GALNT13: variants seen among roughly 807,000 people sequenced by gnomAD.
The protein encoded by GALNT13 is polypeptide N-acetylgalactosaminyltransferase 13, also known as UDP-GalNAc:polypeptide N-acetylgalactosaminyltransferase 13.
In GALNT13, 28 loss-of-function variants were observed where a neutral mutation model predicts 64.2. The ratio of observed to expected loss-of-function variants is 0.44; its 90% CI spans 0.32 to 0.60. GALNT13 has a LOEUF of 0.60. Ranked by LOEUF, GALNT13 falls within the 20% of genes least tolerant of loss-of-function variation. The pLI, the probability that GALNT13 is intolerant of heterozygous loss-of-function variation, is 0.05. For missense variants in GALNT13, 577 were observed against 669.8 expected (o/e 0.86, Z 1.53); for synonymous variants, 214 against 224.6 (o/e 0.95, Z 0.42).
chr2:154,393,950 C>T (rs1180335594), intron 9 of GALNT13, among the ~76,000 whole-genome samples: 4 of 148,484 alleles, frequency 2.7e-5, no homozygotes, highest in African/African-American at 4.9e-5. Flanking sequence ...TAGTGGCGGG[C>T]GCCTGTAGTC....
At chr2:153,614,252 TA>T in the GALNT13 span, among the ~76,000 whole-genome samples, 1 of 151,914 alleles carries the variant, frequency 6.6e-6, no homozygotes, top group Admixed American at 6.6e-5. Flanking sequence ...ATGAGTAAAA[TA>T]GAGTTTATAC....
chr2:154,050,012 G>A (rs537677038), intron 3 of GALNT13, among the ~76,000 whole-genome samples: 159 of 151,894 alleles, frequency 1.0e-3, no homozygotes, highest in African/African-American at 3.4e-3. Context: ...TTAATTGGGT[G>A]AATTTTTGTA....
the GALNT13 span, among the ~76,000 whole-genome samples, chr2:153,359,030 G>T: frequency 1.3e-5 from 2 of 151,980 alleles, no homozygotes; most frequent in Non-Finnish European, 2.9e-5. Context: ...ACTGAAGATT[G>T]TTTTTATGAT....
intron 3 of GALNT13, among the ~76,000 whole-genome samples, chr2:154,131,342 A>G (rs1200047388): frequency 1.3e-5 from 2 of 152,202 alleles, no homozygotes; most frequent in African/African-American, 2.4e-5. Flanking sequence ...ATATAGGAGT[A>G]TGCTTTTTCC....
At chr2:154,369,092 T>C (rs1697534290) in intron 9 of GALNT13, among the ~76,000 whole-genome samples, 1 of 151,512 alleles carries the variant, frequency 6.6e-6, no homozygotes, top group Non-Finnish European at 1.5e-5. Flanking sequence ...AATAAATAAG[T>C]ACAATTCTGG....
At chr2:154,275,255 C>T (rs559703082) in intron 8 of GALNT13, among the ~76,000 whole-genome samples, 5 of 152,208 alleles carry the variant, frequency 3.3e-5, no homozygotes, top group African/African-American at 9.6e-5. Context: ...TATTAACCAC[C>T]AAGACAATGG....
chr2:154,136,367 A>G (rs928508167), intron 3 of GALNT13, among the ~76,000 whole-genome samples: 4 of 152,178 alleles, frequency 2.6e-5, no homozygotes, highest in Non-Finnish European at 4.4e-5. Context: ...TTTAAAATCA[A>G]TCAACTTGAA....
chr2:153,759,109 T>C, the GALNT13 span, among the ~76,000 whole-genome samples: 1 of 152,200 alleles, frequency 6.6e-6, no homozygotes, highest in Admixed American at 6.6e-5. Flanking sequence ...TGTTCATTGT[T>C]AGTGCATAGA....
the GALNT13 span, among the ~76,000 whole-genome samples, chr2:153,410,251 T>C: frequency 6.6e-6 from 1 of 151,634 alleles, no homozygotes; most frequent in African/African-American, 2.4e-5. Flanking sequence ...CACTCAGCTA[T>C]TTTTTTAGGG....
At chr2:153,919,435 G>A (rs1044427069) in intron 2 of GALNT13, among the ~76,000 whole-genome samples, 4 of 151,832 alleles carry the variant, frequency 2.6e-5, no homozygotes, top group Middle Eastern at 3.2e-3. Context: ...TAAAATATAT[G>A]TGATATTGAT....
intron 4 of GALNT13, among the ~76,000 whole-genome samples, chr2:154,162,651 T>A (rs1040768737): frequency 6.6e-6 from 1 of 152,198 alleles, no homozygotes; most frequent in Non-Finnish European, 1.5e-5. Flanking sequence ...GCATTATTTG[T>A]GTCTTATAAA....
the GALNT13 span, among the ~76,000 whole-genome samples, chr2:153,109,416 A>T: frequency 2.6e-5 from 4 of 152,170 alleles, no homozygotes; most frequent in Non-Finnish European, 5.9e-5. Flanking sequence ...AGGCATGTAC[A>T]TGCTGCTATG....
At chr2:154,054,209 G>T (rs148820767) in intron 3 of GALNT13, among the ~76,000 whole-genome samples, 19 of 151,890 alleles carry the variant, frequency 1.3e-4, no homozygotes, top group Admixed American at 2.6e-4. Context: ...TCATTTTTAT[G>T]ATACAGGTTC....
chr2:153,458,903 A>G, the GALNT13 span, among the ~76,000 whole-genome samples: 2 of 152,266 alleles, frequency 1.3e-5, no homozygotes, highest in South Asian at 4.1e-4. Context: ...TAAATTCCAT[A>G]CTATTGGCCT....
In GALNT13 at chr2:154,450,664, T is replaced by A; in HGVS notation, c.*113T>A. 1.0e-6 allele frequency: 1 copy of A among 955,800 alleles called. No homozygotes were observed. Among genetic ancestry groups the A allele is most frequent in the Non-Finnish European group, 1.5e-6 (1 of 670,768 alleles). 59.2% of individuals were successfully genotyped at this position (955,800 alleles called of 1,614,324 possible). ...AAAGTTTTAAAAATCCTTTTAGTAT[T>A]CTAAAACACAATTGTTTCTAATTCG... On this transcript the variant is annotated 3_prime_UTR_variant, in exon 13 of 13. Coordinates refer to ENST00000392825, the MANE Select transcript of GALNT13 (RefSeq NM_052917.4).
chr2:153,334,190 T>C, the GALNT13 span, among the ~76,000 whole-genome samples: 1 of 152,150 alleles, frequency 6.6e-6, no homozygotes, highest in African/African-American at 2.4e-5. Context: ...CTATGTGACT[T>C]ATAGGGATAA....
At chr2:154,017,641 A>G (rs1470808697) in intron 3 of GALNT13, among the ~76,000 whole-genome samples, 1 of 152,200 alleles carries the variant, frequency 6.6e-6, no homozygotes, top group Middle Eastern at 3.2e-3. Flanking sequence ...TTAATTTGCA[A>G]CTTATTATTG....
At chr2:154,344,495 T>C (rs2105234501) in intron 9 of GALNT13, among the ~76,000 whole-genome samples, 1 of 100,632 alleles carries the variant, frequency 9.9e-6, no homozygotes, top group South Asian at 3.3e-4. Context: ...TTGAAATGGA[T>C]TTACATCTAA....
At chr2:153,625,468 T>A in the GALNT13 span, among the ~76,000 whole-genome samples, 1 of 152,108 alleles carries the variant, frequency 6.6e-6, no homozygotes, top group Non-Finnish European at 1.5e-5. Flanking sequence ...GCTCCTATTA[T>A]TGACAGAGAG....
Sources: gnomAD v4.1 joint callset for allele counts (sites outside exome capture counted in the v4.1 genomes callset) on GRCh38, gnomAD v4.1.1 for gene constraint, MANE v1.5 for transcripts, NCBI Gene and HGNC (gene_info 2026-07-23, HGNC 2026-07-21) for gene names.